XXYLT1: variants seen among roughly 807,000 people sequenced by gnomAD.
XXYLT1 encodes xyloside xylosyltransferase 1, also known as UDP-xylose:alpha-xyloside alpha-1,3-xylosyltransferase.
In XXYLT1, 20 loss-of-function variants were observed where a neutral mutation model predicts 28.9. That is an observed-to-expected ratio of 0.69 (90% confidence interval 0.49 to 1.00). The LOEUF (loss-of-function observed/expected upper bound fraction) is 1.00, where lower values mean the gene tolerates loss of function less well. XXYLT1 is among the 50% of genes least tolerant of loss of function. The pLI is 0.00. For synonymous variants in XXYLT1, 257 were observed against 253.8 expected, an observed-to-expected ratio of 1.01 and a Z score of -0.12; for missense variants, 542 against 560.1, an observed-to-expected ratio of 0.97 and a Z score of 0.33.
intron 3 of XXYLT1, among the ~76,000 whole-genome samples, chr3:195,153,081 C>G (rs1178025141): frequency 6.6e-6 from 1 of 152,196 alleles, no homozygotes; most frequent in East Asian, 1.9e-4. Flanking sequence ...AGGGCCGAGA[C>G]CGCCTGCTCA....
At chr3:195,268,862 CT>C (rs1368451999) in intron 1 of XXYLT1, among the ~76,000 whole-genome samples, 3 of 152,190 alleles carry the variant, frequency 2.0e-5, no homozygotes, top group East Asian at 1.9e-4. Context: ...GGATCTACCC[CT>C]GGGCCAATAT....
At chr3:195,160,509 T>C (rs1040372737) in intron 2 of XXYLT1, among the ~76,000 whole-genome samples, 1 of 152,374 alleles carries the variant, frequency 6.6e-6, no homozygotes, top group Non-Finnish European at 1.5e-5. Flanking sequence ...TGGAAGCAGC[T>C]GCCTGGAAAA....
chr3:195,156,776 C>T (rs1346166386), intron 2 of XXYLT1, among the ~76,000 whole-genome samples, 195 bp from the exon 3 acceptor site: 2 of 152,212 alleles, frequency 1.3e-5, no homozygotes, highest in African/African-American at 2.4e-5. Flanking sequence ...TCTTCACAAA[C>T]GACTACCCGT....
intron 2 of XXYLT1, among the ~76,000 whole-genome samples, chr3:195,171,082 T>TA (rs1721381666): frequency 6.6e-6 from 1 of 152,168 alleles, no homozygotes; most frequent in Admixed American, 6.5e-5. Context: ...TGCTACTGCC[T>TA]AAAGTGATAC....
chr3:195,167,636 C>G (rs1050627145), intron 2 of XXYLT1, among the ~76,000 whole-genome samples: 4 of 152,118 alleles, frequency 2.6e-5, no homozygotes, highest in African/African-American at 9.7e-5. Flanking sequence ...GGTGACTTTC[C>G]AATGCCTTCA....
At chr3:195,092,884 C>T (rs1460838043) in intron 3 of XXYLT1, among the ~76,000 whole-genome samples, 1 of 110,564 alleles carries the variant, frequency 9.0e-6, no homozygotes, top group Non-Finnish European at 1.7e-5. Context: ...TGAACAGATA[C>T]TTCTCAAAAG....
intron 2 of XXYLT1, among the ~76,000 whole-genome samples, chr3:195,185,361 T>C (rs892112140): frequency 6.6e-6 from 1 of 151,682 alleles, no homozygotes; most frequent in African/African-American, 2.4e-5. Flanking sequence ...ACATCTGCAG[T>C]GAAATGGGGG....
At chr3:195,102,442 C>T (rs1716844155) in intron 3 of XXYLT1, among the ~76,000 whole-genome samples, 1 of 152,200 alleles carries the variant, frequency 6.6e-6, no homozygotes, top group Non-Finnish European at 1.5e-5. Flanking sequence ...TCCTCCCTCA[C>T]CCTCGCCGTG....
At chr3:195,241,601 A>G (rs918402294) in intron 1 of XXYLT1, among the ~76,000 whole-genome samples, 4 of 152,180 alleles carry the variant, frequency 2.6e-5, no homozygotes, top group African/African-American at 7.2e-5. Context: ...CTAACGGACT[A>G]GGAGTCTTTC....
intron 3 of XXYLT1, among the ~76,000 whole-genome samples, chr3:195,123,438 G>A (rs1454439695): frequency 1.3e-5 from 2 of 152,176 alleles, no homozygotes; most frequent in South Asian, 2.1e-4. Context: ...GGGATTCTGG[G>A]AGAACACGGA....
At chr3:195,171,500 C>A (rs773342475) in intron 2 of XXYLT1, among the ~76,000 whole-genome samples, 1 of 152,182 alleles carries the variant, frequency 6.6e-6, no homozygotes, top group Non-Finnish European at 1.5e-5. Context: ...CCTGCATGAA[C>A]GAAAAACTTT....
At chr3:195,096,487 G>A (rs921224588) in intron 3 of XXYLT1, among the ~76,000 whole-genome samples, 17 of 152,130 alleles carry the variant, frequency 1.1e-4, no homozygotes, top group African/African-American at 2.4e-4. Flanking sequence ...CGTAACAGAC[G>A]CACATGCTGA....
chr3:195,101,369 T>C (rs952481), intron 3 of XXYLT1, among the ~76,000 whole-genome samples: 35,113 of 152,248 alleles, frequency 0.23, 4,240 homozygotes, highest in East Asian at 0.43. Flanking sequence ...GGCTGGTTAG[T>C]ATCTTTACTC....
At chr3:195,237,803 GGTTT>G (rs1327314023) in intron 1 of XXYLT1, among the ~76,000 whole-genome samples, 1 of 151,966 alleles carries the variant, frequency 6.6e-6, no homozygotes, top group East Asian at 1.9e-4. Flanking sequence ...TCTGGCTACT[GGTTT>G]GTTTGTTGTT....
At position 195,134,014 on chromosome 3, in the gene XXYLT1, C is replaced by A. The variant is rs565504435; in HGVS notation, c.785+22435G>T. Among the ~76,000 whole-genome samples the A allele has an allele frequency of 5.9e-5, 9 of 152,142 alleles. No individual in the cohort carries two copies. In the South Asian group the frequency reaches 1.0e-3, roughly 18 times the overall value. On this transcript the variant is annotated intron_variant, in intron 3 of 3. Coordinates refer to ENST00000310380, the MANE Select transcript of XXYLT1 (RefSeq NM_152531.5). Reference sequence around the variant, plus strand: ...GTCGCCTGAGCCCAGGAGTTTGAGACCAACCTCGGCAATATAGTGAGACCC... The same window carrying A: ...GTCGCCTGAGCCCAGGAGTTTGAGAACAACCTCGGCAATATAGTGAGACCC...
At chr3:195,085,932 A>G (rs1715703083) in intron 3 of XXYLT1, 1 of 152,074 alleles carries the variant, frequency 6.6e-6, no homozygotes, top group African/African-American at 2.4e-5. Flanking sequence ...GGCCTTGCGG[A>G]GGCCAACACT....
At chr3:195,233,018 T>C (rs1205801564) in intron 1 of XXYLT1, among the ~76,000 whole-genome samples, 2 of 152,252 alleles carry the variant, frequency 1.3e-5, no homozygotes, top group African/African-American at 4.8e-5. Context: ...TCTATCTCCA[T>C]CTTTCACTCT....
chr3:195,222,549 G>C (rs981558102), intron 2 of XXYLT1, among the ~76,000 whole-genome samples: 15 of 152,146 alleles, frequency 9.9e-5, no homozygotes, highest in African/African-American at 3.6e-4. Flanking sequence ...CTATCATAGG[G>C]AAGAATCCTA....
intron 3 of XXYLT1, among the ~76,000 whole-genome samples, chr3:195,132,285 CA>C (rs1225767410): frequency 1.3e-5 from 2 of 152,158 alleles, no homozygotes; most frequent in East Asian, 3.9e-4. Context: ...GCCTGGGCAA[CA>C]TGGCGAAACC....
Sources: allele counts gnomAD v4.1 joint callset (sites outside exome capture counted in the v4.1 genomes callset), GRCh38; gene constraint gnomAD v4.1.1; transcripts MANE v1.5; gene names NCBI Gene and HGNC (gene_info 2026-07-23, HGNC 2026-07-21).